Variants in EPHA3 observed in about 807,000 individuals in gnomAD.
EPHA3 encodes EPH receptor A3, also known as ephrin type-A receptor 3.
Under a neutral mutation model 107.1 loss-of-function variants are expected in EPHA3, and 42 were observed. The ratio of observed to expected loss-of-function variants is 0.39; its 90% CI spans 0.31 to 0.51. The LOEUF (loss-of-function observed/expected upper bound fraction) is 0.51. Ranked by LOEUF, EPHA3 falls within the 20% of genes least tolerant of loss-of-function variation. EPHA3 has a pLI of 0.78. For synonymous variants in EPHA3, 461 were observed against 424.8 expected, an observed-to-expected ratio of 1.09 and a Z score of -1.05; for missense variants, 1,183 against 1,211.2, an observed-to-expected ratio of 0.98 and a Z score of 0.35.
chr3:89,271,969 A>G (rs1426399327), intron 3 of EPHA3, among the ~76,000 whole-genome samples: 1 of 151,938 alleles, frequency 6.6e-6, no homozygotes, highest in African/African-American at 2.4e-5. Flanking sequence ...CACTATGATG[A>G]TCCACTCCCA....
intron 6 of EPHA3, among the ~76,000 whole-genome samples, chr3:89,399,084 C>T (rs568782972): frequency 1.3e-5 from 2 of 151,318 alleles, no homozygotes; most frequent in South Asian, 2.1e-4. Flanking sequence ...GAGCTGAGAT[C>T]GCGCCACTGC....
chr3:89,227,017 A>G (rs1403207879), intron 3 of EPHA3, among the ~76,000 whole-genome samples: 1 of 152,064 alleles, frequency 6.6e-6, no homozygotes, highest in African/African-American at 2.4e-5. Flanking sequence ...CATACACCTT[A>G]CACAATAAAT....
At chr3:89,256,572 G>GAAAT (rs370171364) in intron 3 of EPHA3, among the ~76,000 whole-genome samples, 11,511 of 148,604 alleles carry the variant, frequency 0.077, 489 homozygotes, top group East Asian at 0.13. Context: ...CAAAAATAAG[G>GAAAT]AAATAAATAA....
intron 5 of EPHA3, among the ~76,000 whole-genome samples, chr3:89,385,662 A>G (rs1349360080): frequency 1.3e-5 from 2 of 152,154 alleles, no homozygotes; most frequent in Non-Finnish European, 2.9e-5. Flanking sequence ...GGTACCACAG[A>G]GAGTGGGGTG....
chr3:89,445,580 A>G (rs1196187118), intron 13 of EPHA3, among the ~76,000 whole-genome samples: 1 of 152,174 alleles, frequency 6.6e-6, no homozygotes, highest in Non-Finnish European at 1.5e-5. Flanking sequence ...AACTGATTGA[A>G]TGCCACTTAA....
intron 3 of EPHA3, among the ~76,000 whole-genome samples, chr3:89,262,750 G>T (rs1705445109): frequency 6.6e-6 from 1 of 152,072 alleles, no homozygotes; most frequent in Admixed American, 6.5e-5. Context: ...ACTGGAACCG[G>T]CTGGCTGTTT....
intron 3 of EPHA3, among the ~76,000 whole-genome samples, chr3:89,284,743 T>C (rs1706036392): frequency 6.6e-6 from 1 of 152,146 alleles, no homozygotes; most frequent in Non-Finnish European, 1.5e-5. Flanking sequence ...GTCCTCTCCT[T>C]CCTTCTCAGA....
At chr3:89,368,711 G>T (rs1708230726) in intron 5 of EPHA3, among the ~76,000 whole-genome samples, 1 of 150,414 alleles carries the variant, frequency 6.6e-6, no homozygotes, top group East Asian at 2.0e-4. Context: ...CCTTCAATGG[G>T]TTGGATGATG....
At chr3:89,223,137 T>C (rs1221481272) in intron 3 of EPHA3, among the ~76,000 whole-genome samples, 4 of 152,192 alleles carry the variant, frequency 2.6e-5, no homozygotes, top group Admixed American at 6.5e-5. Flanking sequence ...TGTTATACTT[T>C]CATGACAACA....
At chr3:89,148,194 T>C (rs1012386378) in intron 2 of EPHA3, among the ~76,000 whole-genome samples, 8 of 151,944 alleles carry the variant, frequency 5.3e-5, no homozygotes, top group African/African-American at 1.9e-4. Flanking sequence ...AAATGTATTA[T>C]TGGAAAACTA....
At chr3:89,371,646 A>G (rs1344755440) in intron 5 of EPHA3, among the ~76,000 whole-genome samples, 1 of 151,516 alleles carries the variant, frequency 6.6e-6, no homozygotes, top group East Asian at 1.9e-4. Context: ...GTTTAAGGGA[A>G]GTCTGTTAAT....
At chr3:89,124,427 A>C (rs1198031265) in intron 1 of EPHA3, among the ~76,000 whole-genome samples, 2 of 152,152 alleles carry the variant, frequency 1.3e-5, no homozygotes, top group African/African-American at 2.4e-5. Context: ...CCAATTAAGT[A>C]ACAATTCACT....
intron 2 of EPHA3, among the ~76,000 whole-genome samples, chr3:89,174,169 G>T (rs1202512858): frequency 6.6e-6 from 1 of 151,978 alleles, no homozygotes; most frequent in Non-Finnish European, 1.5e-5. Context: ...ACTCAGAAAT[G>T]ATCTGTTTTC....
chr3:89,122,541 G>A (rs1156847829), intron 1 of EPHA3, among the ~76,000 whole-genome samples: 1 of 152,074 alleles, frequency 6.6e-6, no homozygotes, highest in African/African-American at 2.4e-5. Context: ...ATCTGCTTCA[G>A]TAAAAAACTG....
At chr3:89,203,609 T>TA (rs1020829091) in intron 2 of EPHA3, among the ~76,000 whole-genome samples, 321 of 149,352 alleles carry the variant, frequency 2.1e-3, no homozygotes, top group Middle Eastern at 3.4e-3. Flanking sequence ...CCGTCTCTAC[T>TA]AAAAAAAAAT....
chr3:89,126,520 G>A (rs764399696), intron 1 of EPHA3, among the ~76,000 whole-genome samples: 1 of 151,526 alleles, frequency 6.6e-6, no homozygotes, highest in South Asian at 2.1e-4. Context: ...AAAGTCATTA[G>A]AACTAGCACA....
chr3:89,107,883 C>G (rs771757243), intron 1 of EPHA3, 47 bp downstream of exon 1: 1 of 1,563,020 alleles, frequency 6.4e-7, no homozygotes, highest in Non-Finnish European at 8.8e-7. Context: ...GCGGGGCTCA[C>G]GCTCTTCAAA....
At chr3:89,278,116 G>C (rs1221157650) in intron 3 of EPHA3, among the ~76,000 whole-genome samples, 1 of 152,108 alleles carries the variant, frequency 6.6e-6, no homozygotes, top group Non-Finnish European at 1.5e-5. Flanking sequence ...TTAAAATAGA[G>C]TCAAAATACT....
intron 2 of EPHA3, among the ~76,000 whole-genome samples, chr3:89,139,244 T>A (rs1342177408): frequency 6.6e-6 from 1 of 151,866 alleles, no homozygotes; most frequent in African/African-American, 2.4e-5. Flanking sequence ...GGTCTATACT[T>A]GGATACTATT....
Sources: gnomAD v4.1 joint callset for allele counts (sites outside exome capture counted in the v4.1 genomes callset) on GRCh38, gnomAD v4.1.1 for gene constraint, MANE v1.5 for transcripts, NCBI Gene and HGNC (gene_info 2026-07-23, HGNC 2026-07-21) for gene names.